ADAMTS13: variants seen among roughly 807,000 people sequenced by gnomAD.
The protein encoded by ADAMTS13 is A disintegrin and metalloproteinase with thrombospondin motifs 13.
In ADAMTS13, 110 loss-of-function variants were observed where a neutral mutation model predicts 155.1. That is an observed-to-expected ratio of 0.71 (90% CI 0.61 to 0.83). The LOEUF (loss-of-function observed/expected upper bound fraction) is 0.83. Ranked by LOEUF, ADAMTS13 falls within the 40% of genes least tolerant of loss-of-function variation. The pLI is 0.00. For synonymous variants in ADAMTS13, 758 were observed against 756.4 expected (o/e 1.00, Z -0.03); for missense variants, 1,707 against 1,891.7 (o/e 0.90, Z 1.81).
rs113661252 is a variant in ADAMTS13, at chr9:133,452,199, G to A, written c.3045-2216G>A. On this transcript the variant is annotated intron_variant, in intron 23 of 28. Transcript: ENST00000355699. ...GCGATCTCAGCTCACTGCAACCTCCGCCTCCTGGGTTCAAGTGATTTTCAT... is the reference window on the plus strand; with the variant it reads ...GCGATCTCAGCTCACTGCAACCTCCACCTCCTGGGTTCAAGTGATTTTCAT... Among the ~76,000 whole-genome samples the A allele has an allele frequency of 3.0e-3, 454 of 151,142 alleles. 3 individuals carry two copies. Among genetic ancestry groups the A allele is most frequent in the African/African-American group, 0.011 (435 of 41,170 alleles).
intron 23 of ADAMTS13, 50 bp from the exon 24 acceptor site, chr9:133,454,365 A>G: frequency 6.2e-7 from 1 of 1,602,530 alleles, no homozygotes; most frequent in Non-Finnish European, 8.5e-7. Flanking sequence ...GTGGGGCAGT[A>G]CTGTCTCTGG....
chr9:133,432,122 G>A (rs782794074), intron 8 of ADAMTS13, among the ~76,000 whole-genome samples: 2 of 152,082 alleles, frequency 1.3e-5, no homozygotes, highest in East Asian at 1.9e-4. Flanking sequence ...AAAATTAGCC[G>A]GGCGTGGTGG....
In ADAMTS13 at chr9:133,437,925, C is replaced by T. The variant is rs782144350; in HGVS notation, c.1584+28C>T. On this transcript the variant is annotated intron_variant, in intron 13 of 28. Coordinates refer to ENST00000355699, the MANE Select transcript of ADAMTS13 (RefSeq NM_139027.6). The stretch of plus-strand genomic sequence containing the variant: ...AGGCGTGTGTGGACATTGGCGATGG[C>T]CCTGGGGCCTACCTGTCCTATCGGA... 6 of 1,612,626 alleles carry T rather than the reference C, an allele frequency of 3.7e-6. No homozygotes were observed. In the South Asian group the frequency reaches 6.6e-5, roughly 18 times the overall value.
chr9:133,442,709 C>A lies in ADAMTS13; in HGVS notation c.2200C>A (p.Pro734Thr), dbSNP rs782058485. 6.2e-7 allele frequency: 1 copy of A among 1,613,080 alleles called. No homozygotes were observed. The highest frequency in any genetic ancestry group is 1.7e-4 in the Middle Eastern group (1 of 6,058). Residue 734 changes from proline (P) to threonine (T), a missense_variant, in exon 18 of 29, where the codon CCA becomes ACA. Pro to Thr is a conservative substitution (Grantham distance 38). This residue lies in a region of ADAMTS13 where 961 missense variants were observed against 1,107.9 expected (regional missense o/e 0.87). Coordinates refer to ENST00000355699, the MANE Select transcript of ADAMTS13 (RefSeq NM_139027.6). ...CQGSQQPPAW[P>T]EACVLEPCPP... Reference sequence around the variant, plus strand: ...AGGGAGCCAGCAGCCACCAGCGTGGCCAGAGGCCTGCGTGCTCGAACCCTG... The same window carrying A: ...AGGGAGCCAGCAGCCACCAGCGTGGACAGAGGCCTGCGTGCTCGAACCCTG...
chr9:133,429,188 ACCTGCCCCAC>A (rs1840528990), intron 7 of ADAMTS13, among the ~76,000 whole-genome samples: 1 of 5,128 alleles, frequency 2.0e-4, no homozygotes, highest in African/African-American at 1.0e-3. Flanking sequence ...CGTCCCACCC[ACCTGCCCCAC>A]CCCCTGCACC....
rs1554789598 is a variant in ADAMTS13, at chr9:133,437,882, G to A, written c.1569G>A (p.Val523=). 5.6e-6 allele frequency: 9 copies of A among 1,613,724 alleles called. No individual in the cohort carries two copies. In the Admixed American group the frequency reaches 1.2e-4, roughly 21 times the overall value. The change falls in exon 13 of 29, where the codon GTG becomes GTA. Residue 523 remains valine, a synonymous_variant. Transcript: ENST00000355699. Reference sequence around the variant, plus strand: ...AGGACGGGACCCTGAGCCTGTGTGTGTCGGGCAGCTGCAGGGTAGGCGTGT... The same window carrying A: ...AGGACGGGACCCTGAGCCTGTGTGTATCGGGCAGCTGCAGGGTAGGCGTGT... ...PREDGTLSLC[V]SGSCRTFGCD...
chr9:133,455,375 C>T lies in ADAMTS13; in HGVS notation c.3340C>T (p.Gln1114Ter). ...AQAPVPADFC[Q>*]HLPKPVTVRG... is the part of the protein sequence containing the mutation. ...GGCGCCTGTGCCAGCTGATTTCTGC[C>T]AGCACTTGCCCAAGCCGGTGACTGT... The change falls in exon 25 of 29, where the codon CAG becomes TAG. Residue 1114 changes from glutamine to a stop codon, truncating the protein, a stop_gained. Coordinates refer to ENST00000355699, the MANE Select transcript of ADAMTS13 (RefSeq NM_139027.6). LOFTEE classifies it high-confidence loss of function. The T allele has an allele frequency of 1.2e-6, 2 of 1,612,410 alleles. No individual in the cohort carries two copies. The highest frequency in any genetic ancestry group is 1.7e-6 in the Non-Finnish European group (2 of 1,179,974).
At position 133,456,916 on chromosome 9, in the gene ADAMTS13, C is replaced by A. The variant is rs1389840538; in HGVS notation, c.3724+197C>A. ...AGGGGTCACAGGATGAATGCTATAT[C>A]CCTCCTTTTTGGGACCGTGCAGCAA... On this transcript the variant is annotated intron_variant, in intron 27 of 28. Transcript: ENST00000355699. The surrounding 1 kb of genome is among the most constrained non-coding windows in gnomAD (Gnocchi z 4.4). 2 of 738,226 alleles carry A rather than the reference C, an allele frequency of 2.7e-6. No homozygotes were observed. The highest frequency in any genetic ancestry group is 4.8e-6 in the Non-Finnish European group (2 of 420,014). 45.7% of individuals were successfully genotyped at this position (738,226 alleles called of 1,614,324 possible).
At chr9:133,438,446 G>T in intron 14 of ADAMTS13, 80 bp downstream of exon 14, 1 of 1,587,604 alleles carries the variant, frequency 6.3e-7, no homozygotes, top group Non-Finnish European at 8.5e-7. Flanking sequence ...TGGTGCAGGG[G>T]CTGCTCAGGT....
upstream of ADAMTS13, among the ~76,000 whole-genome samples, chr9:133,418,616 T>C (rs1554782300): frequency 6.6e-6 from 1 of 152,038 alleles, no homozygotes; most frequent in African/African-American, 2.4e-5. Context: ...CTTACAACCC[T>C]AAGGGGGTCT....
intron 1 of ADAMTS13, 113 bp downstream of exon 1, chr9:133,422,661 C>T (rs770332825): frequency 1.4e-4 from 145 of 1,072,908 alleles, no homozygotes; most frequent in Non-Finnish European, 1.8e-4. Context: ...TTGGGGTTTG[C>T]GCTGGGCAGG....
rs587652155 is a variant in ADAMTS13, at chr9:133,424,910, G to C, written c.330+432G>C. 6.6e-6 allele frequency among the ~76,000 whole-genome samples: 1 copy of C among 152,348 alleles called. No individual in the cohort carries two copies. The highest frequency in any genetic ancestry group is 1.9e-4 in the East Asian group (1 of 5,180). ...CCCGTCTGAAGTCTAAACAGAGACT[G>C]CTGGCAAAGGAGATGCCCACCTTCA... On this transcript the variant is annotated intron_variant, in intron 3 of 28. Transcript: ENST00000355699. The surrounding 1 kb of genome is among the most constrained non-coding windows in gnomAD (Gnocchi z 4.3).
chr9:133,428,535 TA>T, intron 6 of ADAMTS13, 98 bp from the exon 7 acceptor site: 1 of 682,748 alleles, frequency 1.5e-6, no homozygotes, highest in Non-Finnish European at 2.0e-6. Context: ...GCTGCGGCAC[TA>T]GGGCGCCGGG....
upstream of ADAMTS13, among the ~76,000 whole-genome samples, chr9:133,419,139 C>T (rs782341684): frequency 6.6e-6 from 1 of 152,026 alleles, no homozygotes; most frequent in Admixed American, 6.6e-5. Context: ...CGTGCCCGGC[C>T]GGGAGTGGGT....
At position 133,440,748 on chromosome 9, in the gene ADAMTS13, C is replaced by T. The variant is rs980019645; in HGVS notation, c.1968+223C>T. Among the ~76,000 whole-genome samples the T allele has an allele frequency of 2.6e-5, 4 of 152,172 alleles. No individual in the cohort carries two copies. The highest frequency in any genetic ancestry group is 4.8e-5 in the African/African-American group (2 of 41,436). ...TATCCAAATGTGCCTGTGCCCAGAG[C>T]CCGTGGGAGAAGGCCCTGCAGTTCT... On this transcript the variant is annotated intron_variant, in intron 16 of 28. Coordinates refer to ENST00000355699, the MANE Select transcript of ADAMTS13 (RefSeq NM_139027.6). The surrounding 1 kb of genome is among the most constrained non-coding windows in gnomAD (Gnocchi z 4.3).
At chr9:133,438,181 G>C in intron 13 of ADAMTS13, 65 bp from the exon 14 acceptor site, 1 of 1,613,024 alleles carries the variant, frequency 6.2e-7, no homozygotes, top group Admixed American at 1.7e-5. Context: ...AGCTGGCAGG[G>C]CTGCAGAGTC....
chr9:133,436,711 G>T, intron 11 of ADAMTS13, 118 bp from the exon 12 acceptor site: 1 of 1,079,778 alleles, frequency 9.3e-7, no homozygotes. Context: ...GGCACGGCCT[G>T]GAGCTGAGGC....
At position 133,449,952 on chromosome 9, in the gene ADAMTS13, C is replaced by G; in HGVS notation, c.3031C>G (p.Pro1011Ala). The G allele has an allele frequency of 1.9e-6, 3 of 1,604,282 alleles. No individual in the cohort carries two copies. In the South Asian group the frequency reaches 3.3e-5, roughly 18 times the overall value. ...ACCCCAGGAGGCCTGCAGCCTGGAG[C>G]CCTGCCCACCTAGGTGAGTCAGCCG... is the stretch of plus-strand genomic sequence containing the variant. ...PEPQEACSLE[P>A]CPPRWKVMSL... The change falls in exon 23 of 29, where the codon CCC becomes GCC. Residue 1011 changes from proline (P) to alanine (A), a missense_variant. Transcript: ENST00000355699.
chr9:133,441,174 C>T lies in ADAMTS13; in HGVS notation c.1968+649C>T, dbSNP rs587711681. Among the ~76,000 whole-genome samples, 1 of 152,256 alleles carries T rather than the reference C, an allele frequency of 6.6e-6. No homozygotes were observed. Among genetic ancestry groups the T allele is most frequent in the African/African-American group, 2.4e-5 (1 of 41,526 alleles). On this transcript the variant is annotated intron_variant, in intron 16 of 28. Transcript: ENST00000355699. The surrounding 1 kb of genome is among the most constrained non-coding windows in gnomAD (Gnocchi z 5.0). ...CACGTGGAGGGTGGAGAGACATAAGCGCAGGCTGAAACAGACCTGAGAACC... is the reference window on the plus strand; with the variant it reads ...CACGTGGAGGGTGGAGAGACATAAGTGCAGGCTGAAACAGACCTGAGAACC...
Sources: allele counts gnomAD v4.1 joint callset (sites outside exome capture counted in the v4.1 genomes callset), GRCh38; gene constraint gnomAD v4.1.1; regional missense constraint gnomAD v4.1.1; non-coding constraint Gnocchi (gnomAD v3.1); transcripts MANE v1.5; gene names NCBI Gene and HGNC (gene_info 2026-07-23, HGNC 2026-07-21).